NRAS: variants seen among roughly 807,000 people sequenced by gnomAD.
NRAS encodes NRAS proto-oncogene, GTPase, also known as GTPase NRas.
Under a neutral mutation model 21.3 loss-of-function variants are expected in NRAS, and 6 were observed. The ratio of observed to expected loss-of-function variants is 0.28; its 90% CI spans 0.15 to 0.56. NRAS has a LOEUF of 0.56. Ranked by LOEUF, NRAS falls within the 20% of genes least tolerant of loss-of-function variation. The pLI is 0.93. For synonymous variants in NRAS, 84 were observed against 82.0 expected, an observed-to-expected ratio of 1.02 and a Z score of -0.13; for missense variants, 143 against 231.3, an observed-to-expected ratio of 0.62 and a Z score of 2.48.
rs2101736306 is a variant in NRAS, at chr1:114,705,918, A to C, written c.*2176T>G. On this transcript the variant is annotated 3_prime_UTR_variant, in exon 7 of 7. Coordinates refer to ENST00000369535, the MANE Select transcript of NRAS (RefSeq NM_002524.5). ...ACAAGGGCTATTGGCACAAGAGCCCAAGATGAGTAACTATCTTTCTCCCTA... is the reference window on the plus strand; with the variant it reads ...ACAAGGGCTATTGGCACAAGAGCCCCAGATGAGTAACTATCTTTCTCCCTA... 6.6e-6 allele frequency: 1 copy of C among 152,386 alleles called. No homozygotes were observed. Among genetic ancestry groups the C allele is most frequent in the East Asian group, 1.9e-4 (1 of 5,192 alleles). 9.4% of individuals were successfully genotyped at this position (152,386 alleles called of 1,614,324 possible). A position where few individuals can be genotyped will look rare whatever the true frequency, so the allele number is the denominator to read the frequency against.
intron 3 of NRAS, among the ~76,000 whole-genome samples, chr1:114,713,267 G>A (rs975060114): frequency 5.3e-5 from 8 of 152,050 alleles, no homozygotes; most frequent in South Asian, 2.1e-4. Context: ...TCGACCTCCT[G>A]AGCTCACGTG....
At chr1:114,708,283 G>C (rs1332683139) in intron 5 of NRAS, 91 bp from the exon 6 acceptor site, 2 of 526,554 alleles carry the variant, frequency 3.8e-6, no homozygotes, top group African/African-American at 3.8e-5. Context: ...AATAGGGTAT[G>C]CCTACATTTC....
chr1:114,713,985 G>A lies in NRAS; in HGVS notation c.112-7C>T, dbSNP rs1396496270. The A allele has an allele frequency of 3.9e-6, 6 of 1,542,962 alleles. No homozygotes were observed. The highest frequency in any genetic ancestry group is 1.7e-4 in the Middle Eastern group (1 of 5,900). ...CTTGTTTTCTGTAAGAATCCTGGGG[G>A]TGTGGAGGGTAAGGGGGCAGGGAGG... On this transcript the variant is annotated splice_polypyrimidine_tract_variant and splice_region_variant and intron_variant, in intron 2 of 6. Transcript: ENST00000369535.
rs143020946 is a variant in NRAS, at chr1:114,709,659, C to T, written c.360G>A (p.Leu120=). ...GTTTTGTATCAACTGTCCTTGTTGG[C>T]AAATCACACTTGTTTCCCACTAGCA... The part of the protein sequence containing the change: ...PMVLVGNKCD[L]PTRTVDTKQA... The change falls in exon 4 of 7, where the codon TTG becomes TTA. Residue 120 remains leucine, a synonymous_variant. Transcript: ENST00000369535. The T allele has an allele frequency of 5.4e-4, 864 of 1,613,266 alleles. No homozygotes were observed. Among genetic ancestry groups the T allele is most frequent in the Non-Finnish European group, 6.8e-4 (806 of 1,179,252 alleles).
chr1:114,713,571 A>G (rs1659089229), intron 3 of NRAS, among the ~76,000 whole-genome samples: 2 of 152,214 alleles, frequency 1.3e-5, no homozygotes, highest in South Asian at 4.1e-4. Flanking sequence ...CATTCCCAGT[A>G]GCAAGCTTCA....
rs776223586 is a variant in NRAS at position 114,706,465 on chromosome 1, G to C, written c.*1629C>G. The C allele has an allele frequency of 3.9e-5, 6 of 152,036 alleles. No homozygotes were observed. Among genetic ancestry groups the C allele is most frequent in the Non-Finnish European group, 5.9e-5 (4 of 68,008 alleles). The allele number at this position is 152,036 out of a possible 1,614,324, so 9.4% of individuals were successfully genotyped here. ...CTCAACAATTTCAACTTCCTGTTTT[G>C]AGCAAACTCATCAGCTTAGATTTAT... On this transcript the variant is annotated 3_prime_UTR_variant, in exon 7 of 7. Coordinates refer to ENST00000369535, the MANE Select transcript of NRAS (RefSeq NM_002524.5).
Position 114,708,547 on chromosome 1 carries a change from A to G in NRAS, c.558T>C (p.Cys186=). 6.2e-7 allele frequency: 1 copy of G among 1,613,890 alleles called. No individual in the cohort carries two copies. Among genetic ancestry groups the G allele is most frequent in the African/African-American group, 1.3e-5 (1 of 75,040 alleles). The part of the protein sequence containing the change: ...DGTQGCMGLP[C]VVM ...TATGCTCACCTTGTTACATCACCAC[A>G]CATGGCAATCCCATACAACCCTGAG... The change falls in exon 5 of 7, where the codon TGT becomes TGC. Residue 186 remains cysteine, a synonymous_variant. Transcript: ENST00000369535.
chr1:114,710,378 T>A (rs1659020113), intron 3 of NRAS, among the ~76,000 whole-genome samples: 2 of 146,564 alleles, frequency 1.4e-5, no homozygotes, highest in Non-Finnish European at 3.0e-5. Flanking sequence ...TAGCTGGGTG[T>A]GGTGGCGCAT....
Position 114,711,131 on chromosome 1 carries a change from T to C in NRAS, c.291-1403A>G, listed in dbSNP as rs551243151. ...CCAGCCTGGGCAACATGGTGAAACC[T>C]TGCTTCTACAAAAAATACAAAAATT... On this transcript the variant is annotated intron_variant, in intron 3 of 6. Transcript: ENST00000369535. Among the ~76,000 whole-genome samples, 46 of 151,924 alleles carry C rather than the reference T, an allele frequency of 3.0e-4. 1 individual carries two copies. Among genetic ancestry groups the C allele is most frequent in the Admixed American group, 1.2e-3 (19 of 15,250 alleles).
Position 114,708,534 on chromosome 1 carries a change from G to A in NRAS, c.*1C>T, listed in dbSNP as rs763756379. On this transcript the variant is annotated 3_prime_UTR_variant, in exon 5 of 7. Transcript: ENST00000369535. ...TGCCAAGAAACCATATGCTCACCTTGTTACATCACCACACATGGCAATCCC... is the reference window on the plus strand; with the variant it reads ...TGCCAAGAAACCATATGCTCACCTTATTACATCACCACACATGGCAATCCC... 6.2e-7 allele frequency: 1 copy of A among 1,613,750 alleles called. No individual in the cohort carries two copies.
At chr1:114,716,004 C>G (rs1458977125) in intron 2 of NRAS, 46 bp downstream of exon 2, 1 of 1,134,622 alleles carries the variant, frequency 8.8e-7, no homozygotes, top group South Asian at 1.2e-5. Flanking sequence ...GATGATCCGA[C>G]AAGTGAGAGA....
chr1:114,715,936 C>A, intron 2 of NRAS, 114 bp downstream of exon 2: 1 of 751,766 alleles, frequency 1.3e-6, no homozygotes, highest in Non-Finnish European at 2.4e-6. Flanking sequence ...TGAATGTATA[C>A]CCAAAATAAC....
At chr1:114,715,114 T>C (rs1475749953) in intron 2 of NRAS, among the ~76,000 whole-genome samples, 1 of 152,006 alleles carries the variant, frequency 6.6e-6, no homozygotes, top group African/African-American at 2.4e-5. Flanking sequence ...CTGCACCCTC[T>C]GCCTCTGGTT....
intron 3 of NRAS, among the ~76,000 whole-genome samples, chr1:114,709,957 T>G (rs528488691): frequency 2.0e-5 from 3 of 151,094 alleles, no homozygotes; most frequent in Non-Finnish European, 2.9e-5. Context: ...CTTTGGGAGG[T>G]TGAGGTGGGC....
intron 1 of NRAS, 124 bp from the exon 2 acceptor site, chr1:114,716,301 G>A (rs1464974467): frequency 8.3e-6 from 6 of 724,940 alleles, no homozygotes; most frequent in Non-Finnish European, 1.3e-5. Context: ...AGTGACTAGA[G>A]AACGCAAAAA....
At chr1:114,713,745 A>G (rs1347103882) in intron 3 of NRAS, 55 bp downstream of exon 3, 3 of 1,455,970 alleles carry the variant, frequency 2.1e-6, no homozygotes, top group Non-Finnish European at 2.9e-6. Flanking sequence ...TCATTTCCCC[A>G]TAAAGATTCA....
chr1:114,713,961 T>C lies in NRAS; in HGVS notation c.129A>G (p.Gln43=), dbSNP rs1557982844. 1 of 1,599,212 alleles carries C rather than the reference T, an allele frequency of 6.3e-7. No homozygotes were observed. Among genetic ancestry groups the C allele is most frequent in the Non-Finnish European group, 8.6e-7 (1 of 1,168,410 alleles). The stretch of plus-strand genomic sequence containing the variant: ...AACAGGTTTCACCATCTATAACCAC[T>C]TGTTTTCTGTAAGAATCCTGGGGGT... ...DPTIEDSYRK[Q]VVIDGETCLL... The change falls in exon 3 of 7, where the codon CAA becomes CAG. Residue 43 remains glutamine, a synonymous_variant. Transcript: ENST00000369535.
chr1:114,710,577 AAGAG>A (rs959130216), intron 3 of NRAS, among the ~76,000 whole-genome samples: 4 of 151,976 alleles, frequency 2.6e-5, no homozygotes, highest in African/African-American at 7.2e-5. Context: ...GAGCGAGAGA[AAGAG>A]AGAGCGAGAG....
At chr1:114,716,481 A>C (rs2100996242) in intron 1 of NRAS, among the ~76,000 whole-genome samples, 177 bp downstream of exon 1, 1 of 151,574 alleles carries the variant, frequency 6.6e-6, no homozygotes, top group Admixed American at 6.6e-5. Flanking sequence ...CCAGGCCGCA[A>C]CTCCTTCCCA....
Sources: gnomAD v4.1 joint callset for allele counts (sites outside exome capture counted in the v4.1 genomes callset) on GRCh38, gnomAD v4.1.1 for gene constraint, MANE v1.5 for transcripts, NCBI Gene and HGNC (gene_info 2026-07-23, HGNC 2026-07-21) for gene names.